IL16: variants seen among roughly 807,000 people sequenced by gnomAD.
IL16 encodes the protein pro-interleukin-16.
Under a neutral mutation model 110.1 loss-of-function variants are expected in IL16, and 67 were observed. The ratio of observed to expected loss-of-function variants is 0.61; its 90% CI spans 0.50 to 0.75. IL16 has a LOEUF of 0.75. IL16 is among the 30% of genes least tolerant of loss of function. The pLI, the probability that IL16 is intolerant of heterozygous loss-of-function variation, is 0.00. For synonymous variants in IL16, 689 were observed against 662.9 expected (o/e 1.04, Z -0.61); for missense variants, 1,545 against 1,655.0 (o/e 0.93, Z 1.15).
At chr15:81,297,388 G>A (rs1900042009) in intron 13 of IL16, among the ~76,000 whole-genome samples, 2 of 152,186 alleles carry the variant, frequency 1.3e-5, no homozygotes, top group Middle Eastern at 6.8e-3. Flanking sequence ...AGCCATCCTG[G>A]GCAGCTACCT....
chr15:81,284,521 A>G (rs1430629625), intron 9 of IL16, among the ~76,000 whole-genome samples: 1 of 152,224 alleles, frequency 6.6e-6, no homozygotes, highest in Admixed American at 6.5e-5. Flanking sequence ...GCAGTGGAGT[A>G]GGGATTGTTC....
intron 2 of IL16, among the ~76,000 whole-genome samples, chr15:81,225,965 T>A (rs181364710): frequency 2.0e-5 from 3 of 152,266 alleles, no homozygotes; most frequent in East Asian, 3.9e-4. Context: ...TGAGCCTAGA[T>A]CCCTGATGGA....
chr15:81,249,906 TTC>T (rs2142140887), intron 2 of IL16, among the ~76,000 whole-genome samples: 1 of 152,266 alleles, frequency 6.6e-6, no homozygotes, highest in East Asian at 1.9e-4. Context: ...TATATTCCAA[TTC>T]TTTCATCCTC....
intron 2 of IL16, among the ~76,000 whole-genome samples, chr15:81,258,767 C>CTA (rs1306757087): frequency 9.4e-4 from 137 of 146,086 alleles, no homozygotes; most frequent in Non-Finnish European, 1.3e-3. Flanking sequence ...CTCTCTCTCT[C>CTA]TCTCTCTATA....
intron 1 of IL16, among the ~76,000 whole-genome samples, chr15:81,224,630 ACTTGCCAAGTGTCAC>A (rs1896727387): frequency 6.6e-6 from 1 of 152,218 alleles, no homozygotes; most frequent in Admixed American, 6.5e-5. Context: ...TTTGGCAGGC[ACTTGCCAAGTGTCAC>A]CTTCTTTTAT....
chr15:81,289,922 C>T (rs990638782), intron 10 of IL16: 9 of 454,058 alleles, frequency 2.0e-5, no homozygotes, highest in African/African-American at 1.4e-4. Flanking sequence ...AATGGAGGCT[C>T]AGGAGGTTAA....
In IL16 at chr15:81,279,670, G is replaced by C. The variant is rs1307224297; in HGVS notation, c.977G>C (p.Cys326Ser). ...TGCCGCTCCCTGAGCTCCAGCACTTGTATCACCAAGGACAGCAGCTCCTTC... is the reference window on the plus strand; with the variant it reads ...TGCCGCTCCCTGAGCTCCAGCACTTCTATCACCAAGGACAGCAGCTCCTTC... ...PLCRSLSSST[C>S]ITKDSSSFAL... is the part of the protein sequence containing the mutation. The change falls in exon 8 of 19, where the codon TGT becomes TCT. Residue 326 changes from cysteine (C) to serine (S), a missense_variant. Coordinates refer to ENST00000683961, the MANE Select transcript of IL16 (RefSeq NM_172217.5). 4 of 1,614,136 alleles carry C rather than the reference G, an allele frequency of 2.5e-6. No homozygotes were observed. Among genetic ancestry groups the C allele is most frequent in the Non-Finnish European group, 2.5e-6 (3 of 1,180,048 alleles).
chr15:81,226,122 T>C (rs943130918), intron 2 of IL16, among the ~76,000 whole-genome samples: 2 of 152,218 alleles, frequency 1.3e-5, no homozygotes, highest in Non-Finnish European at 1.5e-5. Context: ...GGAGGCCTTA[T>C]GGCAAGCAAG....
At chr15:81,282,822 T>C in intron 9 of IL16, 66 bp downstream of exon 9, 2 of 1,168,644 alleles carry the variant, frequency 1.7e-6, no homozygotes, top group Non-Finnish European at 2.6e-6. Context: ...TACCTTAGAA[T>C]GTCGGGAGAT....
chr15:81,226,642 A>G (rs974778200), intron 2 of IL16, among the ~76,000 whole-genome samples: 7 of 152,252 alleles, frequency 4.6e-5, no homozygotes, highest in South Asian at 2.1e-4. Flanking sequence ...AATAAACAAC[A>G]TTTGTGTTAA....
chr15:81,285,140 A>G (rs181929766), intron 9 of IL16, among the ~76,000 whole-genome samples: 1 of 152,120 alleles, frequency 6.6e-6, no homozygotes, highest in East Asian at 1.9e-4. Context: ...AACTAGAATG[A>G]ATGCCATCAC....
intron 1 of IL16, among the ~76,000 whole-genome samples, chr15:81,224,190 G>A (rs1896711735): frequency 6.6e-6 from 1 of 152,204 alleles, no homozygotes; most frequent in South Asian, 2.1e-4. Flanking sequence ...CCTTTTGGAG[G>A]ATATGTGAAA....
intron 1 of IL16, among the ~76,000 whole-genome samples, chr15:81,188,922 A>G (rs1224789287): frequency 6.6e-6 from 1 of 152,114 alleles, no homozygotes; most frequent in Non-Finnish European, 1.5e-5. Flanking sequence ...CGGATGAGAG[A>G]ACTCAGCATG....
intron 1 of IL16, among the ~76,000 whole-genome samples, chr15:81,203,887 C>T (rs147584695): frequency 6.6e-6 from 1 of 152,270 alleles, no homozygotes; most frequent in African/African-American, 2.4e-5. Context: ...ATGGGGATGA[C>T]ATTGAATCTA....
upstream of IL16, chr15:81,196,735 G>A (rs542381874): frequency 4.3e-5 from 28 of 657,088 alleles, no homozygotes; most frequent in African/African-American, 3.4e-4. Context: ...GGGTGTTGCC[G>A]GCCAGCCCAG....
At chr15:81,192,108 C>T (rs1239166156), upstream of IL16, among the ~76,000 whole-genome samples, 2 of 152,120 alleles carry the variant, frequency 1.3e-5, no homozygotes, top group African/African-American at 2.4e-5. Context: ...TGAACCATCA[C>T]GTAAGCCATG....
chr15:81,294,316 C>T (rs1010480399), intron 12 of IL16, among the ~76,000 whole-genome samples: 1 of 152,226 alleles, frequency 6.6e-6, no homozygotes, highest in African/African-American at 2.4e-5. Context: ...GCCCATATTT[C>T]ATTTTCCCTT....
At chr15:81,191,902 G>A (rs1043645061), upstream of IL16, among the ~76,000 whole-genome samples, 2 of 152,198 alleles carry the variant, frequency 1.3e-5, no homozygotes, top group Non-Finnish European at 2.9e-5. Context: ...GATAAACAAG[G>A]GTGAGATCAT....
intron 2 of IL16, among the ~76,000 whole-genome samples, chr15:81,238,660 A>C (rs1377101382): frequency 1.3e-5 from 2 of 152,134 alleles, no homozygotes; most frequent in Non-Finnish European, 1.5e-5. Flanking sequence ...TAAGTAAAAA[A>C]ACTCATAAAG....
Sources: allele counts gnomAD v4.1 joint callset (sites outside exome capture counted in the v4.1 genomes callset), GRCh38; gene constraint gnomAD v4.1.1; transcripts MANE v1.5; gene names NCBI Gene and HGNC (gene_info 2026-07-23, HGNC 2026-07-21).